The following FAM135A variants were observed in gnomAD, a reference collection of about 807,000 sequenced individuals.
FAM135A encodes protein FAM135A.
Under a neutral mutation model 146.8 loss-of-function variants are expected in FAM135A, and 79 were observed. The observed-to-expected ratio is 0.54, with a 90% CI of 0.45 to 0.65. The LOEUF is 0.65. Among genes scored for constraint, FAM135A ranks in the 30% least tolerant of loss-of-function variants. The pLI, the probability that FAM135A is intolerant of heterozygous loss-of-function variation, is 0.00. For missense variants in FAM135A, 1,623 were observed against 1,758.2 expected (o/e 0.92, Z 1.38); for synonymous variants, 562 against 603.6 (o/e 0.93, Z 1.01).
chr6:70,532,421 ATTT>A (rs1227092831), intron 16 of FAM135A, among the ~76,000 whole-genome samples: 4 of 152,108 alleles, frequency 2.6e-5, no homozygotes, highest in South Asian at 4.1e-4. Context: ...ATTTAAATGG[ATTT>A]TTATTTTTCT....
chr6:70,551,497 G>C (rs557506448), intron 20 of FAM135A, among the ~76,000 whole-genome samples: 43 of 152,284 alleles, frequency 2.8e-4, no homozygotes, highest in African/African-American at 8.7e-4. Context: ...TGTTGTTTCA[G>C]CTACTTGGGA....
chr6:70,558,953 T>C (rs1801417322), intron 21 of FAM135A, among the ~76,000 whole-genome samples: 1 of 152,236 alleles, frequency 6.6e-6, no homozygotes, highest in Non-Finnish European at 1.5e-5. Flanking sequence ...TGCTGTTCTT[T>C]CTTAAAATAA....
At chr6:70,526,843 G>A in intron 15 of FAM135A, 145 bp downstream of exon 15, 1 of 783,164 alleles carries the variant, frequency 1.3e-6, no homozygotes, top group Non-Finnish European at 1.9e-6. Context: ...AGGATTGAGT[G>A]TCTATTTTGT....
chr6:70,473,831 A>G (rs1284660013), intron 5 of FAM135A, among the ~76,000 whole-genome samples: 1 of 151,926 alleles, frequency 6.6e-6, no homozygotes, highest in African/African-American at 2.4e-5. Context: ...TCCCACCCCC[A>G]TATGAAGTCT....
intron 2 of FAM135A, 150 bp from the exon 3 acceptor site, chr6:70,426,289 A>T (rs1770133849): frequency 6.6e-6 from 1 of 152,212 alleles, no homozygotes; most frequent in African/African-American, 2.4e-5. Flanking sequence ...GAATGAAAAA[A>T]GTCTCTAAAA....
intron 4 of FAM135A, among the ~76,000 whole-genome samples, chr6:70,440,210 A>G (rs1463144112): frequency 2.0e-5 from 3 of 152,176 alleles, no homozygotes; most frequent in African/African-American, 7.2e-5. Flanking sequence ...AAGTGATGCT[A>G]TGTTCTTCCT....
At position 70,495,747 on chromosome 6, in the gene FAM135A, C is replaced by T. The variant is rs535294741; in HGVS notation, c.873+4664C>T. Among the ~76,000 whole-genome samples, 5 of 152,172 alleles carry T rather than the reference C, an allele frequency of 3.3e-5. No individual in the cohort carries two copies. In the East Asian group the frequency reaches 5.8e-4, roughly 18 times the overall value. On this transcript the variant is annotated intron_variant, in intron 11 of 21. Coordinates refer to ENST00000418814, the MANE Select transcript of FAM135A (RefSeq NM_001162529.3). ...TGGTTTGCTGCACCCATCAACCTGT[C>T]GTCTACATTAGGTATTTTTCATAAT...
At chr6:70,498,077 G>A (rs1163690947) in intron 11 of FAM135A, among the ~76,000 whole-genome samples, 3 of 152,178 alleles carry the variant, frequency 2.0e-5, no homozygotes, top group Non-Finnish European at 4.4e-5. Context: ...ACCTCTAGTA[G>A]AATTCGGCTG....
intron 11 of FAM135A, among the ~76,000 whole-genome samples, chr6:70,495,052 A>G (rs770147652): frequency 2.0e-5 from 3 of 152,204 alleles, no homozygotes; most frequent in Non-Finnish European, 4.4e-5. Flanking sequence ...TTCTTAAAAG[A>G]GACATGAAAA....
In FAM135A at chr6:70,507,281, G is replaced by A. The variant is rs183332975; in HGVS notation, c.1029+4490G>A. Reference sequence around the variant, plus strand: ...ACATGGTAGCATACTGTGTTATCTGGCTCCCATTTATGCAATTCAAGAGGA... The same window carrying A: ...ACATGGTAGCATACTGTGTTATCTGACTCCCATTTATGCAATTCAAGAGGA... On this transcript the variant is annotated intron_variant, in intron 12 of 21. Transcript: ENST00000418814. 2.0e-5 allele frequency among the ~76,000 whole-genome samples: 3 copies of A among 152,186 alleles called. No homozygotes were observed. The East Asian group carries it at 5.8e-4, about 29-fold the overall frequency.
At chr6:70,542,390 T>G (rs1406180111) in intron 20 of FAM135A, among the ~76,000 whole-genome samples, 1 of 152,226 alleles carries the variant, frequency 6.6e-6, no homozygotes, top group Non-Finnish European at 1.5e-5. Flanking sequence ...TCATGTGTTT[T>G]GTACCTCCTC....
At chr6:70,539,449 T>TTA (rs1797435055) in intron 20 of FAM135A, among the ~76,000 whole-genome samples, 2 of 152,174 alleles carry the variant, frequency 1.3e-5, no homozygotes, top group Admixed American at 1.3e-4. Context: ...CAAACTTTAT[T>TTA]AATTCAAAAA....
chr6:70,429,757 T>C (rs1771081142), intron 4 of FAM135A, among the ~76,000 whole-genome samples: 3 of 152,152 alleles, frequency 2.0e-5, no homozygotes, highest in African/African-American at 7.2e-5. Flanking sequence ...TATGATACAT[T>C]AGACTGATGG....
intron 3 of FAM135A, among the ~76,000 whole-genome samples, chr6:70,427,356 A>G (rs1770408948): frequency 6.6e-6 from 1 of 151,936 alleles, no homozygotes; most frequent in Non-Finnish European, 1.5e-5. Flanking sequence ...ACATGGCAAA[A>G]CCCCATCTCT....
intron 4 of FAM135A, among the ~76,000 whole-genome samples, chr6:70,446,408 A>G (rs559690677): frequency 6.6e-6 from 1 of 152,228 alleles, no homozygotes; most frequent in Non-Finnish European, 1.5e-5. Flanking sequence ...TGACCGTGGC[A>G]TGCAGACTGA....
At chr6:70,452,389 T>C (rs1777307999) in intron 4 of FAM135A, 103 bp from the exon 5 acceptor site, 1 of 815,800 alleles carries the variant, frequency 1.2e-6, no homozygotes, top group African/African-American at 1.8e-5. Context: ...CTGATATAAT[T>C]AGGCCAACTT....
rs183667677 is a variant in FAM135A at position 70,486,314 on chromosome 6, G to A, written c.823+4160G>A. 127 of 1,310,604 alleles carry A rather than the reference G, an allele frequency of 9.7e-5. 1 individual carries two copies. In the African/African-American group the frequency reaches 1.6e-3, roughly 17 times the overall value. 81.2% of individuals were successfully genotyped at this position (1,310,604 alleles called of 1,614,324 possible). On this transcript the variant is annotated intron_variant, in intron 10 of 21. Transcript: ENST00000418814. Reference sequence around the variant, plus strand: ...AAGTATGAAATTTTGCTTTAAATTAGCATCAGATTTCATAAATGTATATTT... The same window carrying A: ...AAGTATGAAATTTTGCTTTAAATTAACATCAGATTTCATAAATGTATATTT...
chr6:70,436,767 C>G (rs921131062), intron 4 of FAM135A, among the ~76,000 whole-genome samples: 1 of 152,156 alleles, frequency 6.6e-6, no homozygotes, highest in Non-Finnish European at 1.5e-5. Context: ...TGGATCATAA[C>G]AGTGAATGAT....
chr6:70,515,521 G>A (rs1258279737), intron 12 of FAM135A, among the ~76,000 whole-genome samples: 1 of 152,100 alleles, frequency 6.6e-6, no homozygotes, highest in Non-Finnish European at 1.5e-5. Context: ...CTACATATAT[G>A]TATGATTTCA....
Sources: allele counts gnomAD v4.1 joint callset (sites outside exome capture counted in the v4.1 genomes callset), GRCh38; gene constraint gnomAD v4.1.1; transcripts MANE v1.5; gene names NCBI Gene and HGNC (gene_info 2026-07-23, HGNC 2026-07-21).